LRBA: variants seen among roughly 807,000 people sequenced by gnomAD.
LRBA encodes the protein lipopolysaccharide-responsive and beige-like anchor protein.
LRBA carries 176 observed loss-of-function variants against 330.0 expected under a neutral mutation model. The ratio of observed to expected loss-of-function variants is 0.53; its 90% CI spans 0.47 to 0.60. LRBA has a LOEUF of 0.60. LRBA is among the 20% of genes least tolerant of loss of function. The pLI, the probability that LRBA is intolerant of heterozygous loss-of-function variation, is 0.00. For synonymous variants in LRBA, 1,230 were observed against 1,193.0 expected (o/e 1.03, Z -0.64); for missense variants, 3,259 against 3,444.8 (o/e 0.95, Z 1.35).
intron 52 of LRBA, among the ~76,000 whole-genome samples, chr4:150,307,823 T>C (rs1239435097): frequency 1.3e-5 from 2 of 152,146 alleles, no homozygotes; most frequent in Admixed American, 6.5e-5. Flanking sequence ...ATCCACCCCA[T>C]AGACTTAAAC....
intron 34 of LRBA, among the ~76,000 whole-genome samples, chr4:150,794,918 C>G (rs751747403): frequency 6.6e-6 from 1 of 152,094 alleles, no homozygotes; most frequent in South Asian, 2.1e-4. Context: ...TATCTGACAG[C>G]CCTCTCCGAT....
At chr4:150,714,447 C>T (rs1786540529) in intron 36 of LRBA, among the ~76,000 whole-genome samples, 1 of 151,952 alleles carries the variant, frequency 6.6e-6, no homozygotes, top group African/African-American at 2.4e-5. Context: ...AAAGACATGC[C>T]TTTTCATAAT....
chr4:150,656,608 A>G (rs1011914486), intron 37 of LRBA, among the ~76,000 whole-genome samples: 7 of 152,246 alleles, frequency 4.6e-5, no homozygotes, highest in Admixed American at 3.9e-4. Context: ...GTCTACAAAA[A>G]TATTCCTAAG....
chr4:150,999,141 A>T (rs1210305561), intron 2 of LRBA, among the ~76,000 whole-genome samples: 1 of 152,268 alleles, frequency 6.6e-6, no homozygotes, highest in Non-Finnish European at 1.5e-5. Flanking sequence ...CCGAGCCTAA[A>T]GTGAAGAAGA....
intron 2 of LRBA, among the ~76,000 whole-genome samples, chr4:150,987,967 A>G (rs1305078111): frequency 6.6e-6 from 1 of 150,704 alleles, no homozygotes; most frequent in Non-Finnish European, 1.5e-5. Flanking sequence ...ACACAACTTC[A>G]CTACAGCCTG....
At chr4:150,674,723 T>G (rs1267574768) in intron 37 of LRBA, among the ~76,000 whole-genome samples, 1 of 149,880 alleles carries the variant, frequency 6.7e-6, no homozygotes, top group Non-Finnish European at 1.5e-5. Context: ...CAAAAAAACT[T>G]AATTAGTCGG....
chr4:150,977,818 T>G (rs936793326), intron 2 of LRBA, among the ~76,000 whole-genome samples: 4 of 152,176 alleles, frequency 2.6e-5, no homozygotes, highest in African/African-American at 9.6e-5. Flanking sequence ...CCTCTACCTA[T>G]GTAAACAGGA....
At chr4:150,599,266 A>C in intron 37 of LRBA, 135 bp from the exon 38 acceptor site, 3 of 817,950 alleles carry the variant, frequency 3.7e-6, no homozygotes, top group Non-Finnish European at 5.7e-6. Context: ...CCTCCATCTC[A>C]CACTCCCCTT....
chr4:150,548,386 T>G (rs377551323), intron 40 of LRBA, among the ~76,000 whole-genome samples: 1 of 152,136 alleles, frequency 6.6e-6, no homozygotes, highest in Non-Finnish European at 1.5e-5. Context: ...CTGAATTAAA[T>G]ATATTTAAAG....
At chr4:150,953,824 T>C (rs1030176430) in intron 2 of LRBA, among the ~76,000 whole-genome samples, 4 of 144,002 alleles carry the variant, frequency 2.8e-5, no homozygotes, top group Admixed American at 2.8e-4. Context: ...CGGCCGCCCA[T>C]CATCTGGGAT....
At chr4:150,820,477 ATTAT>A (rs897874047) in intron 30 of LRBA, among the ~76,000 whole-genome samples, 14 of 152,160 alleles carry the variant, frequency 9.2e-5, no homozygotes, top group African/African-American at 3.4e-4. Context: ...AACATATAAA[ATTAT>A]TTATATACTA....
intron 56 of LRBA, among the ~76,000 whole-genome samples, chr4:150,268,059 C>CAAAAAAAA (rs199767343): frequency 8.7e-6 from 1 of 115,290 alleles, no homozygotes; most frequent in Non-Finnish European, 1.8e-5. Context: ...GACTCCATCT[C>CAAAAAAAA]AAAAAAAAAA....
At chr4:150,895,889 C>T (rs189522895) in intron 16 of LRBA, among the ~76,000 whole-genome samples, 23 of 152,290 alleles carry the variant, frequency 1.5e-4, no homozygotes, top group Non-Finnish European at 2.5e-4. Flanking sequence ...AACTACTTTA[C>T]AGTCCCACCA....
At chr4:150,346,327 T>C (rs924496263) in intron 48 of LRBA, among the ~76,000 whole-genome samples, 10 of 151,968 alleles carry the variant, frequency 6.6e-5, no homozygotes, top group African/African-American at 2.2e-4. Context: ...AATTAAGGTG[T>C]GATGTGTGGA....
intron 30 of LRBA, among the ~76,000 whole-genome samples, chr4:150,818,140 T>C (rs1744868851): frequency 6.6e-6 from 1 of 152,154 alleles, no homozygotes; most frequent in South Asian, 2.1e-4. Flanking sequence ...ATTCAGCTTC[T>C]AAACAAAGTA....
chr4:150,692,191 GTTTA>G (rs1171510150), intron 36 of LRBA, among the ~76,000 whole-genome samples: 34 of 151,288 alleles, frequency 2.2e-4, no homozygotes, highest in Admixed American at 1.9e-3. Flanking sequence ...CTTCAATAAA[GTTTA>G]TTTAAGAAGT....
chr4:150,532,027 T>A (rs1764106079), intron 40 of LRBA, among the ~76,000 whole-genome samples: 1 of 152,218 alleles, frequency 6.6e-6, no homozygotes, highest in African/African-American at 2.4e-5. Flanking sequence ...AACAGTTTAG[T>A]GAAAACTGAA....
intron 2 of LRBA, among the ~76,000 whole-genome samples, chr4:151,004,824 C>A (rs1336433546): frequency 6.6e-6 from 1 of 151,520 alleles, no homozygotes; most frequent in Non-Finnish European, 1.5e-5. Context: ...CATCTCTACT[C>A]AAGTACAAAA....
chr4:150,439,369 T>C (rs934097142), intron 44 of LRBA, among the ~76,000 whole-genome samples: 2 of 152,168 alleles, frequency 1.3e-5, no homozygotes, highest in African/African-American at 4.8e-5. Context: ...GAGATCCATA[T>C]TGGTAGAACC....
Sources: gnomAD v4.1 joint callset for allele counts (sites outside exome capture counted in the v4.1 genomes callset) on GRCh38, gnomAD v4.1.1 for gene constraint, MANE v1.5 for transcripts, NCBI Gene and HGNC (gene_info 2026-07-23, HGNC 2026-07-21) for gene names.